The following ST3GAL3 variants were observed in gnomAD, a reference collection of about 807,000 sequenced individuals.
ST3GAL3 encodes ST3 beta-galactoside alpha-2,3-sialyltransferase 3.
Under a neutral mutation model 50.1 loss-of-function variants are expected in ST3GAL3, and 21 were observed. That is an observed-to-expected ratio of 0.42 (90% CI 0.30 to 0.60). The LOEUF is 0.60. ST3GAL3 is among the 20% of genes least tolerant of loss of function. ST3GAL3 has a pLI of 0.19. For synonymous variants in ST3GAL3, 183 were observed against 190.0 expected, an observed-to-expected ratio of 0.96 and a Z score of 0.30; for missense variants, 353 against 489.4, an observed-to-expected ratio of 0.72 and a Z score of 2.63.
At chr1:43,911,672 G>T (rs934547731) in intron 9 of ST3GAL3, among the ~76,000 whole-genome samples, 1 of 148,936 alleles carries the variant, frequency 6.7e-6, no homozygotes, top group South Asian at 2.1e-4. Context: ...GATATCTATA[G>T]ATATAGATAT....
Position 43,736,227 on chromosome 1 carries a change from T to C in ST3GAL3, c.-30-6T>C. ...TCTTTTAAGAACTAAACTTTTTCTT[T>C]TCTAGGTCATTTAGGAAATCGTAAA... On this transcript the variant is annotated splice_polypyrimidine_tract_variant and splice_region_variant and intron_variant, in intron 1 of 11. Transcript: ENST00000347631. The C allele has an allele frequency of 6.2e-7, 1 of 1,613,834 alleles. No individual in the cohort carries two copies. The highest frequency in any genetic ancestry group is 8.5e-7 in the Non-Finnish European group (1 of 1,179,702).
At chr1:43,774,982 T>G (rs1045188902) in intron 2 of ST3GAL3, among the ~76,000 whole-genome samples, 3 of 152,160 alleles carry the variant, frequency 2.0e-5, no homozygotes, top group Non-Finnish European at 2.9e-5. Flanking sequence ...CAGTCTGAGA[T>G]GCTATCTCAG....
intron 4 of ST3GAL3, among the ~76,000 whole-genome samples, chr1:43,819,791 AG>A (rs1397936227): frequency 6.6e-6 from 1 of 152,164 alleles, no homozygotes. Context: ...CCCCTCTAGT[AG>A]TACCCAGTAT....
At chr1:43,776,873 T>G (rs1697447569) in intron 2 of ST3GAL3, among the ~76,000 whole-genome samples, 1 of 152,204 alleles carries the variant, frequency 6.6e-6, no homozygotes, top group Non-Finnish European at 1.5e-5. Context: ...CATGAGAAAG[T>G]ATAAAGACTT....
intron 2 of ST3GAL3, among the ~76,000 whole-genome samples, chr1:43,769,024 A>C (rs756674490): frequency 6.6e-6 from 1 of 152,212 alleles, no homozygotes; most frequent in East Asian, 1.9e-4. Flanking sequence ...AAATTCCACA[A>C]TATATAAAAA....
At chr1:43,805,928 GT>G (rs1256161691) in intron 3 of ST3GAL3, among the ~76,000 whole-genome samples, 1 of 152,134 alleles carries the variant, frequency 6.6e-6, no homozygotes, top group Non-Finnish European at 1.5e-5. Context: ...TAGAAACGGG[GT>G]TTCACCGTGT....
chr1:43,916,911 G>A (rs1475994856), intron 9 of ST3GAL3: 2 of 152,174 alleles, frequency 1.3e-5, no homozygotes, highest in African/African-American at 4.8e-5. Flanking sequence ...TTTGATAACT[G>A]TGACATTCTT....
At chr1:43,813,874 C>T (rs1467724074) in intron 3 of ST3GAL3, among the ~76,000 whole-genome samples, 6 of 39,516 alleles carry the variant, frequency 1.5e-4, no homozygotes, top group African/African-American at 5.3e-4. Context: ...CACACACACA[C>T]ACACACACAC....
intron 3 of ST3GAL3, among the ~76,000 whole-genome samples, chr1:43,813,921 A>G (rs1258372201): frequency 1.3e-5 from 2 of 151,374 alleles, no homozygotes; most frequent in Admixed American, 1.3e-4. Context: ...ACACACACAC[A>G]CACACACACA....
intron 5 of ST3GAL3, among the ~76,000 whole-genome samples, chr1:43,876,471 C>T (rs1383094425): frequency 1.3e-5 from 2 of 152,144 alleles, no homozygotes; most frequent in Admixed American, 1.3e-4. Flanking sequence ...AGGCTCTTAG[C>T]TGTCAGGTAT....
At chr1:43,829,291 G>C (rs1396317773) in intron 4 of ST3GAL3, among the ~76,000 whole-genome samples, 1 of 152,068 alleles carries the variant, frequency 6.6e-6, no homozygotes, top group Non-Finnish European at 1.5e-5. Context: ...ATCATATAGG[G>C]CTGTTTAAGG....
intron 1 of ST3GAL3, among the ~76,000 whole-genome samples, chr1:43,731,445 C>T (rs866154046): frequency 1.4e-5 from 2 of 143,754 alleles, no homozygotes; most frequent in African/African-American, 5.2e-5. Context: ...AGTGCAGTGG[C>T]GCGATCTAGG....
chr1:43,820,954 G>A (rs1227158432), intron 4 of ST3GAL3, among the ~76,000 whole-genome samples: 1 of 152,172 alleles, frequency 6.6e-6, no homozygotes, highest in African/African-American at 2.4e-5. Context: ...TCAGTGTCTG[G>A]TAAACTAGCA....
chr1:43,794,371 A>T (rs1478429534), intron 3 of ST3GAL3, among the ~76,000 whole-genome samples: 1 of 152,246 alleles, frequency 6.6e-6, no homozygotes, highest in Non-Finnish European at 1.5e-5. Context: ...ATATCAATAC[A>T]CATCTACCAA....
chr1:43,883,093 A>G (rs1341202843), intron 5 of ST3GAL3, among the ~76,000 whole-genome samples: 5 of 151,824 alleles, frequency 3.3e-5, no homozygotes, highest in Non-Finnish European at 7.4e-5. Context: ...CTCCCAAGTA[A>G]CTGGGACTAC....
intron 6 of ST3GAL3, among the ~76,000 whole-genome samples, chr1:43,895,187 C>T (rs1198208988): frequency 6.6e-6 from 1 of 152,134 alleles, no homozygotes; most frequent in Non-Finnish European, 1.5e-5. Context: ...GAGTGCCCCA[C>T]GTCCCTCTAT....
chr1:43,869,829 T>C (rs1332823753), intron 5 of ST3GAL3, among the ~76,000 whole-genome samples: 1 of 152,204 alleles, frequency 6.6e-6, no homozygotes, highest in Non-Finnish European at 1.5e-5. Context: ...GTCTAAGCAG[T>C]GCACATAAAA....
chr1:43,865,349 C>G (rs2071081244), intron 5 of ST3GAL3, among the ~76,000 whole-genome samples: 1 of 152,120 alleles, frequency 6.6e-6, no homozygotes, highest in African/African-American at 2.4e-5. Context: ...CTTTATGCAC[C>G]TTCCTCTCTG....
intron 5 of ST3GAL3, among the ~76,000 whole-genome samples, chr1:43,859,817 A>G (rs1367187465): frequency 6.6e-6 from 1 of 152,188 alleles, no homozygotes. Context: ...CCATGTGTCC[A>G]AGGTGACTAT....
Sources: gnomAD v4.1 joint callset for allele counts (sites outside exome capture counted in the v4.1 genomes callset) on GRCh38, gnomAD v4.1.1 for gene constraint, MANE v1.5 for transcripts, NCBI Gene and HGNC (gene_info 2026-07-23, HGNC 2026-07-21) for gene names.